The following NDUFV3 variants were observed in gnomAD, a reference collection of about 807,000 sequenced individuals.
NDUFV3 encodes the protein NADH dehydrogenase [ubiquinone] flavoprotein 3, mitochondrial.
NDUFV3 carries 44 observed loss-of-function variants against 37.5 expected under a neutral mutation model. The observed-to-expected ratio is 1.17, with a 90% CI of 0.92 to 1.51. NDUFV3 has a LOEUF of 1.51. Among genes scored for constraint, NDUFV3 ranks in the 40% most tolerant of loss-of-function variants. The pLI, the probability that NDUFV3 is intolerant of heterozygous loss-of-function variation, is 0.00. For synonymous variants in NDUFV3, 235 were observed against 239.3 expected (o/e 0.98, Z 0.17); for missense variants, 580 against 580.4 (o/e 1.00, Z 0.01).
At chr21:42,903,097 A>C in intron 2 of NDUFV3, 85 bp from the exon 3 acceptor site, 1 of 1,538,406 alleles carries the variant, frequency 6.5e-7, no homozygotes, top group Non-Finnish European at 8.9e-7. Flanking sequence ...GTCAGTAATA[A>C]GTAATGTGTC....
Position 42,893,322 on chromosome 21 carries a change from G to T in NDUFV3, c.-12G>T. ...TGCTGTGGCCCTGCTTGGTGCGCCC[G>T]CTGTCACCGCCATGGCTGCCCCGTG... On this transcript the variant is annotated 5_prime_UTR_variant, in exon 1 of 4. Coordinates refer to ENST00000354250, the MANE Select transcript of NDUFV3 (RefSeq NM_021075.4). 1.3e-6 allele frequency: 2 copies of T among 1,537,768 alleles called. No homozygotes were observed. Among genetic ancestry groups the T allele is most frequent in the Non-Finnish European group, 1.7e-6 (2 of 1,146,328 alleles).
At position 42,909,006 on chromosome 21, in the gene NDUFV3, G is replaced by A; in HGVS notation, c.1407G>A (p.Glu469=). Reference sequence around the variant, plus strand: ...TGCCTCAGCCCTCCTCAGGCCGGGAGTCACCTCGACACTGAGGGCCCTCGG... The same window carrying A: ...TGCCTCAGCCCTCCTCAGGCCGGGAATCACCTCGACACTGAGGGCCCTCGG... ...FRMPQPSSGR[E]SPRH Residue 469 remains glutamate, a synonymous_variant, in exon 4 of 4, where the codon GAG becomes GAA. Coordinates refer to ENST00000354250, the MANE Select transcript of NDUFV3 (RefSeq NM_021075.4). 6.2e-7 allele frequency: 1 copy of A among 1,613,822 alleles called. No homozygotes were observed. Among genetic ancestry groups the A allele is most frequent in the Non-Finnish European group, 8.5e-7 (1 of 1,179,992 alleles).
Position 42,904,051 on chromosome 21 carries a change from C to T in NDUFV3, c.1039C>T (p.Pro347Ser), listed in dbSNP as rs1443373849. ...PVPEPQRKAA[P>S]PLPRKETSGT... The stretch of plus-strand genomic sequence containing the variant: ...GCCAGAGCCCCAGCGCAAGGCGGCC[C>T]CTCCCCTGCCCAGAAAGGAAACCTC... Residue 347 changes from proline to serine, a missense_variant, in exon 3 of 4, where the codon CCT becomes TCT. Pro to Ser is a moderately conservative substitution (Grantham distance 74). Transcript: ENST00000354250. 19 of 1,614,072 alleles carry T rather than the reference C, an allele frequency of 1.2e-5. No individual in the cohort carries two copies. The highest frequency in any genetic ancestry group is 1.6e-5 in the Non-Finnish European group (19 of 1,180,040).
chr21:42,895,710 T>C (rs1374807291), intron 1 of NDUFV3, among the ~76,000 whole-genome samples: 2 of 150,300 alleles, frequency 1.3e-5, no homozygotes, highest in African/African-American at 4.9e-5. Flanking sequence ...GGTTAATAAA[T>C]AATTGGAGAC....
chr21:42,903,057 C>T (rs2058723595), intron 2 of NDUFV3, 125 bp from the exon 3 acceptor site: 3 of 1,316,548 alleles, frequency 2.3e-6, no homozygotes, highest in Non-Finnish European at 3.2e-6. Flanking sequence ...TCTATGGGAC[C>T]TGTCTTAGGA....
Position 42,903,660 on chromosome 21 carries a change from G to A in NDUFV3, c.648G>A (p.Val216=), listed in dbSNP as rs535786603. The A allele has an allele frequency of 5.9e-5, 96 of 1,614,074 alleles. 3 individuals are homozygous for A. The South Asian group carries it at 9.3e-4, about 16-fold the overall frequency. Residue 216 remains valine, a synonymous_variant, in exon 3 of 4, where the codon GTG becomes GTA. Transcript: ENST00000354250. ...KEKTLLQKPH[V]DITDPEKPHQ... ...AAACCTTGCTGCAGAAGCCGCATGT[G>A]GACATTACTGATCCAGAGAAGCCCC...
chr21:42,899,679 G>T (rs1159869555), intron 2 of NDUFV3, among the ~76,000 whole-genome samples: 1 of 152,092 alleles, frequency 6.6e-6, no homozygotes, highest in Non-Finnish European at 1.5e-5. Flanking sequence ...TCTTGACCTC[G>T]TGATCCGTCC....
chr21:42,901,097 G>A (rs2058716135), intron 2 of NDUFV3, among the ~76,000 whole-genome samples: 1 of 152,032 alleles, frequency 6.6e-6, no homozygotes, highest in South Asian at 2.1e-4. Flanking sequence ...GGAATATCTG[G>A]AAATAGAAAT....
In NDUFV3 at chr21:42,903,487, T is replaced by A; in HGVS notation, c.475T>A (p.Ser159Thr). 1 of 1,614,048 alleles carries A rather than the reference T, an allele frequency of 6.2e-7. No homozygotes were observed. ...GCCTTCGTCTTCATCCTCTTCCAGC[T>A]CCTCTGATTCTGAATCTGATGATGA... ...TSPSSSSSSS[S>T]SDSESDDEAD... Residue 159 changes from serine (S) to threonine (T), a missense_variant, in exon 3 of 4, where the codon TCC becomes ACC. Physicochemically the swap from Ser to Thr is moderately conservative, Grantham distance 58 (BLOSUM62 1). Coordinates refer to ENST00000354250, the MANE Select transcript of NDUFV3 (RefSeq NM_021075.4).
intron 3 of NDUFV3, chr21:42,906,746 G>A (rs2058743718): frequency 2.4e-6 from 1 of 425,004 alleles, no homozygotes; most frequent in Non-Finnish European, 4.7e-6. Context: ...TGGCCTTCCA[G>A]GTAGAGTGGT....
intron 2 of NDUFV3, among the ~76,000 whole-genome samples, chr21:42,897,550 T>C (rs900819159): frequency 6.6e-6 from 1 of 152,216 alleles, no homozygotes; most frequent in Admixed American, 6.5e-5. Flanking sequence ...ATTTTTTGTA[T>C]TTTTAGTAGA....
intron 2 of NDUFV3, among the ~76,000 whole-genome samples, chr21:42,901,719 T>A (rs1041070543): frequency 6.6e-6 from 1 of 151,920 alleles, no homozygotes; most frequent in East Asian, 1.9e-4. Context: ...ACCCAGGGAG[T>A]AGATGCTACT....
rs2058758962 is a variant in NDUFV3, at chr21:42,909,368, C to T, written c.*347C>T. 3.0e-6 allele frequency: 1 copy of T among 337,018 alleles called. No homozygotes were observed. The highest frequency in any genetic ancestry group is 5.8e-6 in the Non-Finnish European group (1 of 172,002). 20.9% of individuals were successfully genotyped at this position (337,018 alleles called of 1,614,324 possible). A position where few individuals can be genotyped will look rare whatever the true frequency, so the allele number is the denominator to read the frequency against. On this transcript the variant is annotated 3_prime_UTR_variant, in exon 4 of 4. Transcript: ENST00000354250. ...TGTTGGCCAGGCTGGTCTCGAACTC[C>T]TGACCTCAGATGGTCTGCCCACCTC...
At chr21:42,897,224 A>G (rs950169370) in intron 2 of NDUFV3, among the ~76,000 whole-genome samples, 177 bp downstream of exon 2, 1 of 152,212 alleles carries the variant, frequency 6.6e-6, no homozygotes, top group African/African-American at 2.4e-5. Context: ...CAAACATTTC[A>G]GTCATGTCGT....
At chr21:42,906,839 G>A (rs761108374) in intron 3 of NDUFV3, 10 of 518,130 alleles carry the variant, frequency 1.9e-5, no homozygotes, top group Admixed American at 5.8e-5. Context: ...CTGCTTTGAA[G>A]GTGTCCCTAC....
At chr21:42,893,428 G>C in intron 1 of NDUFV3, 47 bp downstream of exon 1, 1 of 1,531,596 alleles carries the variant, frequency 6.5e-7, no homozygotes, top group Non-Finnish European at 8.7e-7. Context: ...CCGAGCCTAC[G>C]TAGGGGATGG....
In NDUFV3 at chr21:42,911,723, C is replaced by T. The variant is rs371251560; in HGVS notation, c.*2702C>T. On this transcript the variant is annotated 3_prime_UTR_variant, in exon 4 of 4. Transcript: ENST00000354250. Reference sequence around the variant, plus strand: ...CCAGCCATTAACATCTTACAGGATTCCCCAGTGGTGGTGGTAGGTGTAACC... The same window carrying T: ...CCAGCCATTAACATCTTACAGGATTTCCCAGTGGTGGTGGTAGGTGTAACC... The T allele has an allele frequency of 3.3e-5, 5 of 152,070 alleles. No homozygotes were observed. Among genetic ancestry groups the T allele is most frequent in the South Asian group, 2.1e-4 (1 of 4,824 alleles). The allele number at this position is 152,070 out of a possible 1,614,324, so 9.4% of individuals were successfully genotyped here.
intron 3 of NDUFV3, among the ~76,000 whole-genome samples, chr21:42,906,233 G>A (rs969928219): frequency 3.9e-5 from 6 of 152,186 alleles, no homozygotes; most frequent in Non-Finnish European, 8.8e-5. Context: ...TGGCAAACAT[G>A]AAAAGGCAAG....
At chr21:42,896,519 C>T (rs2058692085) in intron 1 of NDUFV3, among the ~76,000 whole-genome samples, 1 of 151,814 alleles carries the variant, frequency 6.6e-6, no homozygotes, top group East Asian at 1.9e-4. Context: ...CTCAAGTGAT[C>T]CGCCCACCTC....
Sources: allele counts gnomAD v4.1 joint callset (sites outside exome capture counted in the v4.1 genomes callset), GRCh38; gene constraint gnomAD v4.1.1; transcripts MANE v1.5; gene names NCBI Gene and HGNC (gene_info 2026-07-23, HGNC 2026-07-21).